PNPLA1: variants seen among roughly 807,000 people sequenced by gnomAD.
The protein encoded by PNPLA1 is omega-hydroxyceramide transacylase.
PNPLA1 carries 36 observed loss-of-function variants against 51.7 expected under a neutral mutation model. The ratio of observed to expected loss-of-function variants is 0.70; its 90% CI spans 0.53 to 0.92. The LOEUF is 0.92. Ranked by LOEUF, PNPLA1 falls within the 40% of genes least tolerant of loss-of-function variation. The probability of loss-of-function intolerance (pLI) is 0.00; values close to 1 mark genes in which losing one functional copy is unlikely to be tolerated. For synonymous variants in PNPLA1, 293 were observed against 280.1 expected (o/e 1.05, Z -0.46); for missense variants, 658 against 682.5 (o/e 0.96, Z 0.40).
At chr6:36,300,246 G>C (rs908330500) in intron 5 of PNPLA1, among the ~76,000 whole-genome samples, 2 of 148,102 alleles carry the variant, frequency 1.4e-5, no homozygotes, top group African/African-American at 4.9e-5. Context: ...CCAGGCTGGA[G>C]TGCAGTGGTG....
chr6:36,276,783 TTC>T (rs1770114086), intron 1 of PNPLA1, among the ~76,000 whole-genome samples: 2 of 151,946 alleles, frequency 1.3e-5, no homozygotes, highest in East Asian at 1.9e-4. Flanking sequence ...CCTTCCTTCC[TTC>T]CTTGCTTCCT....
At chr6:36,275,945 G>A (rs1486756066) in intron 1 of PNPLA1, among the ~76,000 whole-genome samples, 3 of 139,316 alleles carry the variant, frequency 2.2e-5, no homozygotes, top group African/African-American at 8.6e-5. Flanking sequence ...TTTACCTATG[G>A]CATTTTCTTT....
intron 1 of PNPLA1, among the ~76,000 whole-genome samples, chr6:36,261,424 G>A (rs993719212): frequency 6.6e-6 from 1 of 152,216 alleles, no homozygotes; most frequent in Admixed American, 6.5e-5. Context: ...GAGCCTCTGA[G>A]GACAGTCTGG....
chr6:36,279,223 C>G (rs1047184528), intron 1 of PNPLA1, among the ~76,000 whole-genome samples: 3 of 152,198 alleles, frequency 2.0e-5, no homozygotes, highest in Non-Finnish European at 2.9e-5. Context: ...TGTTTTGCCC[C>G]CTGCCCCGCA....
rs561407491 is a variant in PNPLA1 at position 36,302,173 on chromosome 6, C to T, written c.1088C>T (p.Pro363Leu). The T allele has an allele frequency of 5.0e-6, 8 of 1,614,234 alleles. No individual in the cohort carries two copies. In the East Asian group the frequency reaches 1.8e-4, roughly 36 times the overall value. Residue 363 changes from proline to leucine, a missense_variant, in exon 6 of 9, where the codon CCA (proline) becomes CTA (leucine). Coordinates refer to ENST00000636260, the MANE Select transcript of PNPLA1 (RefSeq NM_001374623.1). ...GCACAGCCACTGGCCTCTTCAACTC[C>T]ACTTTCTCTAAGTGGCATGCCACCT... is the stretch of plus-strand genomic sequence containing the variant. ...PPAQPLASST[P>L]LSLSGMPPVS...
intron 5 of PNPLA1, among the ~76,000 whole-genome samples, chr6:36,299,616 G>A (rs968240441): frequency 5.9e-5 from 9 of 152,194 alleles, no homozygotes; most frequent in Non-Finnish European, 1.2e-4. Context: ...TTACAGGCGT[G>A]AGCCACTGCG....
chr6:36,270,726 A>T, intron 1 of PNPLA1, 62 bp downstream of exon 1: 5 of 1,519,908 alleles, frequency 3.3e-6, no homozygotes, highest in Non-Finnish European at 4.4e-6. Flanking sequence ...AGACAGAAGG[A>T]GCGTGAGGGA....
Position 36,276,754 on chromosome 6 carries a change from GTTCCTTCCTTCC to G in PNPLA1, c.205+6113_205+6124del, listed in dbSNP as rs35701454. On this transcript the variant is annotated intron_variant, in intron 1 of 8. Coordinates refer to ENST00000636260, the MANE Select transcript of PNPLA1 (RefSeq NM_001374623.1). ...CCTTCGTTCCTTTCTTCGTTCGTTC[GTTCCTTCCTTCC>G]TTCCTTCCTTCCTTCCTTCCTTGCT... Among the ~76,000 whole-genome samples the G allele has an allele frequency of 2.5e-4, 37 of 149,890 alleles. 1 individual carries two copies. The highest frequency in any genetic ancestry group is 4.2e-4 in the South Asian group (2 of 4,722).
intron 1 of PNPLA1, among the ~76,000 whole-genome samples, chr6:36,249,799 C>T (rs1249178205): frequency 2.0e-5 from 3 of 152,222 alleles, no homozygotes; most frequent in Admixed American, 2.0e-4. Context: ...CTTAACTACT[C>T]TGAGATCCAA....
intron 1 of PNPLA1, among the ~76,000 whole-genome samples, chr6:36,255,004 T>A (rs1040468511): frequency 1.3e-5 from 2 of 152,184 alleles, no homozygotes; most frequent in Admixed American, 6.5e-5. Flanking sequence ...TGCAACTTCT[T>A]TCCCAACTAT....
chr6:36,299,314 GT>G (rs1251929645), intron 5 of PNPLA1, among the ~76,000 whole-genome samples: 1 of 126,022 alleles, frequency 7.9e-6, no homozygotes, highest in Admixed American at 8.8e-5. Context: ...AACTTTTGGG[GT>G]TTTTTTTGTT....
rs1396683498 is a variant in PNPLA1, at chr6:36,302,337, C to G, written c.1252C>G (p.Gln418Glu). 1 of 1,613,480 alleles carries G rather than the reference C, an allele frequency of 6.2e-7. No homozygotes were observed. The highest frequency in any genetic ancestry group is 8.5e-7 in the Non-Finnish European group (1 of 1,179,522). The change falls in exon 6 of 9, where the codon CAG (glutamine) becomes GAG (glutamate). Residue 418 changes from glutamine to glutamate, a missense_variant. Gln to Glu is a conservative substitution (Grantham distance 29, BLOSUM62 2). Coordinates refer to ENST00000636260, the MANE Select transcript of PNPLA1 (RefSeq NM_001374623.1). ...ATCACCAGCCAGATCCCTACACTCT[C>G]AGGCACCCACTTCACCCAGGCCATC... ...SGSPARSLHSQAPTSPRPSLG... is the reference protein window; with the variant it reads ...SGSPARSLHSEAPTSPRPSLG...
At chr6:36,282,089 G>GAA (rs59827619) in intron 1 of PNPLA1, among the ~76,000 whole-genome samples, 1 of 66,842 alleles carries the variant, frequency 1.5e-5, no homozygotes, top group Non-Finnish European at 3.1e-5. Context: ...AAGAAAGAAA[G>GAA]AAGGAAGGAA....
At chr6:36,286,771 C>T (rs1015157293) in intron 1 of PNPLA1, among the ~76,000 whole-genome samples, 52 of 152,162 alleles carry the variant, frequency 3.4e-4, no homozygotes, top group Admixed American at 2.1e-3. Context: ...CTCGTCCTTC[C>T]GGACTCAAGT....
chr6:36,296,220 G>A (rs936152168), intron 5 of PNPLA1, among the ~76,000 whole-genome samples: 3 of 152,122 alleles, frequency 2.0e-5, no homozygotes, highest in South Asian at 2.1e-4. Context: ...AGGCTGTAGC[G>A]AGCCATGACT....
intron 1 of PNPLA1, among the ~76,000 whole-genome samples, chr6:36,260,624 T>C (rs1392998808): frequency 6.6e-6 from 1 of 152,190 alleles, no homozygotes; most frequent in East Asian, 1.9e-4. Context: ...AGTTTATCCT[T>C]ATATCTGCAA....
chr6:36,311,359 G>T (rs1006022625), intron 8 of PNPLA1, among the ~76,000 whole-genome samples: 2 of 152,178 alleles, frequency 1.3e-5, no homozygotes, highest in African/African-American at 4.8e-5. Context: ...CCAGAACAAG[G>T]AAATAGTCTA....
intron 1 of PNPLA1, among the ~76,000 whole-genome samples, chr6:36,252,723 T>C (rs1302527309): frequency 6.6e-6 from 1 of 152,158 alleles, no homozygotes; most frequent in East Asian, 1.9e-4. Context: ...ACATGAAGCA[T>C]GGCTGAGCTT....
intron 1 of PNPLA1, among the ~76,000 whole-genome samples, chr6:36,248,218 T>G (rs182042710): frequency 5.9e-4 from 89 of 152,064 alleles, no homozygotes; most frequent in African/African-American, 1.9e-3. Context: ...AATAATAAAA[T>G]AAAAGAAAAA....
Sources: allele counts gnomAD v4.1 joint callset (sites outside exome capture counted in the v4.1 genomes callset), GRCh38; gene constraint gnomAD v4.1.1; transcripts MANE v1.5; gene names NCBI Gene and HGNC (gene_info 2026-07-23, HGNC 2026-07-21).